Variants in FNDC3B observed in about 807,000 individuals in gnomAD.
FNDC3B encodes the protein fibronectin type III domain-containing protein 3B.
In FNDC3B, 12 loss-of-function variants were observed where a neutral mutation model predicts 151.5. The ratio of observed to expected loss-of-function variants is 0.08; its 90% confidence interval spans 0.05 to 0.13. The LOEUF is 0.13. FNDC3B is among the 10% of genes least tolerant of loss of function. FNDC3B has a pLI of 1.00. For synonymous variants in FNDC3B, 528 were observed against 549.0 expected (o/e 0.96, Z 0.54); for missense variants, 1,214 against 1,505.3 (o/e 0.81, Z 3.20).
chr3:172,060,591 T>C (rs1199635288), intron 1 of FNDC3B, among the ~76,000 whole-genome samples: 1 of 152,228 alleles, frequency 6.6e-6, no homozygotes, highest in Non-Finnish European at 1.5e-5. Flanking sequence ...TGAGTGTAGC[T>C]GTAAAGATGC....
chr3:172,241,507 C>T (rs1036700068), intron 4 of FNDC3B, among the ~76,000 whole-genome samples: 1 of 152,012 alleles, frequency 6.6e-6, no homozygotes, highest in African/African-American at 2.4e-5. Context: ...CTTGGGATGC[C>T]TCACAATCAT....
At chr3:172,149,084 G>C (rs1384111655) in intron 3 of FNDC3B, among the ~76,000 whole-genome samples, 3 of 152,190 alleles carry the variant, frequency 2.0e-5, no homozygotes, top group Non-Finnish European at 4.4e-5. Context: ...AACAGGAAGG[G>C]TGAAATAGCC....
chr3:172,181,938 T>C (rs1461138005), intron 3 of FNDC3B, among the ~76,000 whole-genome samples: 1 of 151,214 alleles, frequency 6.6e-6, no homozygotes, highest in Admixed American at 6.6e-5. Flanking sequence ...GCTTGACAAA[T>C]GAAGGATGTA....
At chr3:172,143,631 G>T (rs1370544926) in intron 3 of FNDC3B, among the ~76,000 whole-genome samples, 2 of 152,004 alleles carry the variant, frequency 1.3e-5, no homozygotes, top group African/African-American at 4.8e-5. Context: ...GTAAATGAGG[G>T]TTGGGGCGGT....
At chr3:172,137,120 T>G (rs1454165019) in intron 3 of FNDC3B, among the ~76,000 whole-genome samples, 3 of 152,110 alleles carry the variant, frequency 2.0e-5, no homozygotes, top group African/African-American at 7.2e-5. Context: ...CTTTGCTATT[T>G]TAACACCAGC....
intron 3 of FNDC3B, among the ~76,000 whole-genome samples, chr3:172,222,456 G>A (rs1726323727): frequency 6.6e-6 from 1 of 152,224 alleles, no homozygotes; most frequent in African/African-American, 2.4e-5. Context: ...TGAATGTTGT[G>A]AAGATAGCAT....
intron 3 of FNDC3B, among the ~76,000 whole-genome samples, chr3:172,217,216 T>C (rs907638755): frequency 9.2e-5 from 14 of 152,232 alleles, no homozygotes; most frequent in African/African-American, 3.1e-4. Context: ...CCAAGGGTTC[T>C]AAAAACTGGA....
At chr3:172,223,150 T>C (rs1024929817) in intron 3 of FNDC3B, among the ~76,000 whole-genome samples, 4 of 152,222 alleles carry the variant, frequency 2.6e-5, no homozygotes, top group African/African-American at 9.6e-5. Flanking sequence ...TACAATAATA[T>C]TGGGCATTCT....
At chr3:172,331,458 T>C (rs2860824) in intron 13 of FNDC3B, among the ~76,000 whole-genome samples, 82,129 of 152,096 alleles carry the variant, frequency 0.54, 22,747 homozygotes, top group East Asian at 0.74. Flanking sequence ...CCCAAGTTCA[T>C]GCCATTCTTC....
At chr3:172,055,849 C>T (rs999420619) in intron 1 of FNDC3B, among the ~76,000 whole-genome samples, 3 of 151,752 alleles carry the variant, frequency 2.0e-5, no homozygotes, top group Admixed American at 6.6e-5. Context: ...GGTGCGATCT[C>T]GGCTCACTGC....
chr3:172,111,882 C>T (rs553503811), intron 1 of FNDC3B, among the ~76,000 whole-genome samples: 20 of 152,252 alleles, frequency 1.3e-4, no homozygotes, highest in African/African-American at 4.8e-4. Context: ...TTCCTGAGAT[C>T]ATTTAAAATT....
At chr3:172,187,886 C>T (rs2108663666) in intron 3 of FNDC3B, among the ~76,000 whole-genome samples, 1 of 152,158 alleles carries the variant, frequency 6.6e-6, no homozygotes, top group African/African-American at 2.4e-5. Context: ...CCCCAAAGTC[C>T]TGGGATTACA....
intron 1 of FNDC3B, among the ~76,000 whole-genome samples, chr3:172,108,679 G>A (rs921978439): frequency 4.6e-5 from 7 of 152,222 alleles, no homozygotes; most frequent in Non-Finnish European, 8.8e-5. Flanking sequence ...ACTGTTGATG[G>A]TTTTGCAATG....
chr3:172,176,826 A>G (rs1022195414), intron 3 of FNDC3B, among the ~76,000 whole-genome samples: 22 of 152,176 alleles, frequency 1.4e-4, no homozygotes, highest in African/African-American at 5.3e-4. Flanking sequence ...TGTAATAGCT[A>G]TAGGGACCAC....
chr3:172,239,058 T>A (rs970569734), intron 4 of FNDC3B, among the ~76,000 whole-genome samples: 8 of 27,912 alleles, frequency 2.9e-4, no homozygotes, highest in East Asian at 1.5e-3. Flanking sequence ...AATTTATTTT[T>A]TTTTTTTTAT....
In FNDC3B at chr3:172,342,996, G is replaced by A. The variant is rs779184718; in HGVS notation, c.1972-15G>A. Reference sequence around the variant, plus strand: ...AGTAACTAAGAGATGGTTCTCTCTGGTGTTTCTCCTGCAGTGTTCTGAAAG... The same window carrying A: ...AGTAACTAAGAGATGGTTCTCTCTGATGTTTCTCCTGCAGTGTTCTGAAAG... On this transcript the variant is annotated splice_polypyrimidine_tract_variant and intron_variant, in intron 17 of 25. Transcript: ENST00000415807. The A allele has an allele frequency of 6.7e-7, 1 of 1,495,876 alleles. No individual in the cohort carries two copies. Among genetic ancestry groups the A allele is most frequent in the Non-Finnish European group, 9.3e-7 (1 of 1,072,488 alleles). The allele number at this position is 1,495,876 out of a possible 1,614,324, so 92.7% of individuals were successfully genotyped here.
At chr3:172,222,521 C>T (rs1055838198) in intron 3 of FNDC3B, among the ~76,000 whole-genome samples, 2 of 152,094 alleles carry the variant, frequency 1.3e-5, no homozygotes, top group Non-Finnish European at 2.9e-5. Context: ...CACCAGGGAC[C>T]GTTTTTGTGG....
At chr3:172,270,721 A>G (rs1053014613) in intron 6 of FNDC3B, among the ~76,000 whole-genome samples, 20 of 152,146 alleles carry the variant, frequency 1.3e-4, no homozygotes, top group African/African-American at 4.6e-4. Flanking sequence ...TTGGAAACAG[A>G]TTGGAGTTGG....
chr3:172,358,247 A>G (rs920103240), intron 22 of FNDC3B, among the ~76,000 whole-genome samples: 1 of 152,248 alleles, frequency 6.6e-6, no homozygotes, highest in Non-Finnish European at 1.5e-5. Context: ...TAGATGTCAA[A>G]CCTAGCTTTC....
Sources: gnomAD v4.1 joint callset for allele counts (sites outside exome capture counted in the v4.1 genomes callset) on GRCh38, gnomAD v4.1.1 for gene constraint, MANE v1.5 for transcripts, NCBI Gene and HGNC (gene_info 2026-07-23, HGNC 2026-07-21) for gene names.